Variants in UBFD1 observed in about 807,000 individuals in gnomAD.
UBFD1 encodes ubiquitin family domain containing 1.
A neutral mutation model predicts 35.1 loss-of-function variants in UBFD1; 12 were observed. That is an observed-to-expected ratio of 0.34 (90% CI 0.22 to 0.55). The LOEUF (loss-of-function observed/expected upper bound fraction) is 0.55. Among genes scored for constraint, UBFD1 ranks in the 20% least tolerant of loss-of-function variants. UBFD1 has a pLI of 0.89. For missense variants in UBFD1, 337 were observed against 410.8 expected (o/e 0.82, Z 1.55); for synonymous variants, 178 against 167.6 (o/e 1.06, Z -0.48).
intron 5 of UBFD1, 24 bp downstream of exon 5, chr16:23,562,754 C>G (rs756378678): frequency 6.2e-7 from 1 of 1,600,666 alleles, no homozygotes; most frequent in African/African-American, 1.3e-5. Context: ...CGCCTCCTTG[C>G]TGGCCCACTG....
rs1431796903 is a variant in UBFD1, at chr16:23,571,241, C to T, written c.*651C>T. 2.0e-5 allele frequency: 3 copies of T among 152,702 alleles called. No homozygotes were observed. Among genetic ancestry groups the T allele is most frequent in the African/African-American group, 4.8e-5 (2 of 41,444 alleles). 9.5% of individuals were successfully genotyped at this position (152,702 alleles called of 1,614,324 possible). ...CTTCCTTTCCTGGGCTCCCTCCCGC[C>T]GTGCTGCTGCTGCCTGTGAACGCAC... On this transcript the variant is annotated 3_prime_UTR_variant, in exon 7 of 7. Coordinates refer to ENST00000395878, the MANE Select transcript of UBFD1 (RefSeq NM_019116.3).
In UBFD1 at chr16:23,573,700, A is replaced by G. The variant is rs538395717; in HGVS notation, c.*3110A>G. The G allele has an allele frequency of 3.3e-5, 5 of 152,782 alleles. No homozygotes were observed. The highest frequency in any genetic ancestry group is 1.2e-4 in the African/African-American group (5 of 41,562). The allele number at this position is 152,782 out of a possible 1,614,324, so 9.5% of individuals were successfully genotyped here. ...AAGAGATTAACTCTGCCTCGTTGCC[A>G]TGTCTCAGAAAAGTTGCCATATTTC... On this transcript the variant is annotated 3_prime_UTR_variant, in exon 7 of 7. Coordinates refer to ENST00000395878, the MANE Select transcript of UBFD1 (RefSeq NM_019116.3).
chr16:23,562,457 G>A (rs915218301), intron 4 of UBFD1, among the ~76,000 whole-genome samples, 168 bp from the exon 5 acceptor site: 1 of 151,888 alleles, frequency 6.6e-6, no homozygotes, highest in Non-Finnish European at 1.5e-5. Flanking sequence ...TAGTAGAGAC[G>A]GGGTTTTACC....
intron 6 of UBFD1, chr16:23,568,899 T>G (rs1294485826): frequency 1.3e-5 from 2 of 152,088 alleles, no homozygotes; most frequent in Non-Finnish European, 2.9e-5. Flanking sequence ...ATCACTCCTT[T>G]TTGAATAGTT....
intron 1 of UBFD1, 34 bp from the exon 2 acceptor site, chr16:23,557,916 C>T (rs766715666): frequency 7.7e-7 from 1 of 1,292,988 alleles, no homozygotes; most frequent in Non-Finnish European, 9.8e-7. Flanking sequence ...AAGCCCAGCC[C>T]GCGGCGAGCG....
intron 6 of UBFD1, chr16:23,568,884 G>A (rs909138061): frequency 9.9e-5 from 15 of 152,078 alleles, no homozygotes; most frequent in African/African-American, 3.6e-4. Context: ...TTTTAACTGG[G>A]CCCCATCACT....
rs753814519 is a variant in UBFD1 at position 23,557,944 on chromosome 16, T to A, written c.26-6T>A. ...GGCGAGCGCCCACCCCCTAACCCCCTTGCAGGCATGGAGGAACCTGGCATG... is the reference window on the plus strand; with the variant it reads ...GGCGAGCGCCCACCCCCTAACCCCCATGCAGGCATGGAGGAACCTGGCATG... On this transcript the variant is annotated splice_region_variant and splice_polypyrimidine_tract_variant and intron_variant, in intron 1 of 6. Transcript: ENST00000395878. The A allele has an allele frequency of 6.0e-6, 8 of 1,343,176 alleles. No homozygotes were observed. The highest frequency in any genetic ancestry group is 7.6e-6 in the Non-Finnish European group (8 of 1,048,168). 83.2% of individuals were successfully genotyped at this position (1,343,176 alleles called of 1,614,324 possible). A position where few individuals can be genotyped will look rare whatever the true frequency, so the allele number is the denominator to read the frequency against.
In UBFD1 at chr16:23,567,050, A is replaced by G; in HGVS notation, c.800A>G (p.His267Arg). 1.2e-6 allele frequency: 2 copies of G among 1,614,180 alleles called. No individual in the cohort carries two copies. Among genetic ancestry groups the G allele is most frequent in the Non-Finnish European group, 1.7e-6 (2 of 1,180,032 alleles). The change falls in exon 6 of 7, where the codon CAT (histidine) becomes CGT (arginine). Residue 267 changes from histidine to arginine, a missense_variant. His to Arg is a conservative substitution (Grantham distance 29, BLOSUM62 0). This residue lies in a region of UBFD1 where 71 missense variants were observed against 149.6 expected (regional missense o/e 0.47). Transcript: ENST00000395878. ...GTGGTCAGTGAACCTATCGAAGGAC[A>G]TGAAGACTACCACATGATGGTAAGT... ...KNVVSEPIEG[H>R]EDYHMMAFQL...
chr16:23,562,051 G>A (rs994407669), intron 3 of UBFD1, 155 bp from the exon 4 acceptor site: 23 of 652,782 alleles, frequency 3.5e-5, no homozygotes, highest in African/African-American at 3.3e-4. Flanking sequence ...CTGCTGGACA[G>A]CACTGTGCTA....
chr16:23,557,992 C>T lies in UBFD1; in HGVS notation c.68C>T (p.Ala23Val), dbSNP rs775203980. The change falls in exon 2 of 7, where the codon GCT becomes GTT. Residue 23 changes from alanine to valine, a missense_variant. Ala to Val is a moderately conservative substitution (Grantham distance 64). Transcript: ENST00000395878. ...PGMDTEAETV[A>V]TEAPARPVNC... ...ATGGACACGGAGGCCGAGACTGTGG[C>T]TACTGAGGCTCCCGCGCGGCCCGTC... 5.8e-6 allele frequency: 8 copies of T among 1,371,242 alleles called. 1 individual carries two copies. The South Asian group carries it at 1.4e-4, about 23-fold the overall frequency. 84.9% of individuals were successfully genotyped at this position (1,371,242 alleles called of 1,614,324 possible). A position where few individuals can be genotyped will look rare whatever the true frequency, so the allele number is the denominator to read the frequency against.
chr16:23,557,987 T>C lies in UBFD1; in HGVS notation c.63T>C (p.Thr21=), dbSNP rs1965845219. The change falls in exon 2 of 7, where the codon ACT becomes ACC. Residue 21 remains threonine, a synonymous_variant. Coordinates refer to ENST00000395878, the MANE Select transcript of UBFD1 (RefSeq NM_019116.3). ...EEPGMDTEAE[T]VATEAPARPV... ...CTGGCATGGACACGGAGGCCGAGAC[T>C]GTGGCTACTGAGGCTCCCGCGCGGC... 1 of 1,371,834 alleles carries C rather than the reference T, an allele frequency of 7.3e-7. No homozygotes were observed. Among genetic ancestry groups the C allele is most frequent in the African/African-American group, 1.5e-5 (1 of 66,410 alleles). The allele number at this position is 1,371,834 out of a possible 1,614,324, so 85.0% of individuals were successfully genotyped here.
At chr16:23,568,174 T>C (rs1966036514) in intron 6 of UBFD1, among the ~76,000 whole-genome samples, 1 of 150,458 alleles carries the variant, frequency 6.6e-6, no homozygotes, top group African/African-American at 2.4e-5. Flanking sequence ...TTTTTTTTTT[T>C]TTTTGAGACG....
intron 5 of UBFD1, chr16:23,564,099 C>T (rs1965977489): frequency 6.6e-6 from 1 of 152,168 alleles, no homozygotes; most frequent in South Asian, 2.1e-4. Context: ...TGTAGGTATT[C>T]AGTGTTCGAG....
In UBFD1 at chr16:23,571,646, TCTC is replaced by T. The variant is rs1966086268; in HGVS notation, c.*1058_*1060del. On this transcript the variant is annotated 3_prime_UTR_variant, in exon 7 of 7. Transcript: ENST00000395878. Reference sequence around the variant, plus strand: ...GTCCAAGGATGATTTCAATTATGCTTCTCCATTGGGTCCTTCTGCTCATGCATT... The same window carrying T: ...GTCCAAGGATGATTTCAATTATGCTTCATTGGGTCCTTCTGCTCATGCATT... 1 of 152,702 alleles carries T rather than the reference TCTC, an allele frequency of 6.5e-6. No individual in the cohort carries two copies. Among genetic ancestry groups the T allele is most frequent in the South Asian group, 2.1e-4 (1 of 4,834 alleles). The allele number at this position is 152,702 out of a possible 1,614,324, so 9.5% of individuals were successfully genotyped here.
At chr16:23,566,914 G>T in intron 5 of UBFD1, 73 bp from the exon 6 acceptor site, 1 of 1,451,932 alleles carries the variant, frequency 6.9e-7, no homozygotes, top group Non-Finnish European at 9.6e-7. Flanking sequence ...CAGCCCTGAT[G>T]AGGGACTGCT....
chr16:23,560,565 C>T (rs1965917170), intron 3 of UBFD1, among the ~76,000 whole-genome samples: 1 of 152,036 alleles, frequency 6.6e-6, no homozygotes, highest in East Asian at 1.9e-4. Flanking sequence ...TCCATAATCC[C>T]CCATGTGTGC....
chr16:23,561,338 A>G (rs1247516818), intron 3 of UBFD1, among the ~76,000 whole-genome samples: 3 of 152,182 alleles, frequency 2.0e-5, no homozygotes, highest in African/African-American at 4.8e-5. Flanking sequence ...TTAAATTGTT[A>G]CCTTCTATCC....
intron 2 of UBFD1, among the ~76,000 whole-genome samples, chr16:23,558,815 C>G (rs2142208502): frequency 6.9e-6 from 1 of 145,880 alleles, no homozygotes; most frequent in Middle Eastern, 3.5e-3. Flanking sequence ...GAGTCTTGCT[C>G]TGTTGCCCAG....
chr16:23,562,832 C>T (rs1965957136), intron 5 of UBFD1, 102 bp downstream of exon 5: 1 of 991,094 alleles, frequency 1.0e-6, no homozygotes, highest in African/African-American at 1.6e-5. Context: ...TGAAACCTCT[C>T]TCTCCACTGT....
Sources: gnomAD v4.1 joint callset for allele counts (sites outside exome capture counted in the v4.1 genomes callset) on GRCh38, gnomAD v4.1.1 for gene constraint, gnomAD v4.1.1 regional missense constraint, MANE v1.5 for transcripts, NCBI Gene and HGNC (gene_info 2026-07-23, HGNC 2026-07-21) for gene names.